The following MAGI1 variants were observed in gnomAD, a reference collection of about 807,000 sequenced individuals.
MAGI1 encodes the protein membrane associated guanylate kinase, WW and PDZ domain containing 1, also known as membrane-associated guanylate kinase, WW and PDZ domain-containing protein 1.
A neutral mutation model predicts 139.9 loss-of-function variants in MAGI1; 58 were observed. The observed-to-expected ratio is 0.41, with a 90% confidence interval of 0.34 to 0.52. The LOEUF (loss-of-function observed/expected upper bound fraction) is 0.52, where lower values mean the gene tolerates loss of function less well. Ranked by LOEUF, MAGI1 falls within the 20% of genes least tolerant of loss-of-function variation. MAGI1 has a pLI of 0.12. For synonymous variants in MAGI1, 812 were observed against 737.9 expected, an observed-to-expected ratio of 1.10 and a Z score of -1.63; for missense variants, 1,874 against 1,901.6, an observed-to-expected ratio of 0.99 and a Z score of 0.27.
At chr3:65,714,749 A>C (rs1227910295) in intron 1 of MAGI1, among the ~76,000 whole-genome samples, 1 of 152,140 alleles carries the variant, frequency 6.6e-6, no homozygotes, top group African/African-American at 2.4e-5. Flanking sequence ...CTGACATCAC[A>C]GTCTCTTTTA....
chr3:65,824,302 G>A (rs1275449217), intron 1 of MAGI1, among the ~76,000 whole-genome samples: 1 of 152,180 alleles, frequency 6.6e-6, no homozygotes, highest in Non-Finnish European at 1.5e-5. Context: ...CTGCAGATGT[G>A]CAAATAGTAG....
intron 2 of MAGI1, among the ~76,000 whole-genome samples, chr3:65,611,032 GTATA>G (rs1477749383): frequency 2.3e-5 from 3 of 130,818 alleles, no homozygotes; most frequent in Non-Finnish European, 4.7e-5. Context: ...TGTGTATATA[GTATA>G]TATACTATAT....
chr3:65,629,093 A>G (rs976694312), intron 1 of MAGI1, among the ~76,000 whole-genome samples: 1 of 151,852 alleles, frequency 6.6e-6, no homozygotes, highest in Admixed American at 6.6e-5. Flanking sequence ...TTACATACCA[A>G]CTCTTACCAG....
intron 1 of MAGI1, among the ~76,000 whole-genome samples, chr3:65,932,738 T>C (rs189478446): frequency 4.5e-4 from 69 of 152,296 alleles, no homozygotes; most frequent in South Asian, 3.7e-3. Context: ...AGAAAGCCCA[T>C]CTATAGAAAG....
intron 1 of MAGI1, among the ~76,000 whole-genome samples, chr3:65,763,663 G>C (rs12639382): frequency 0.34 from 52,082 of 151,396 alleles, 9,726 homozygotes; most frequent in Admixed American, 0.49. Context: ...ATATCTGTGC[G>C]CATAAGCATT....
chr3:65,383,759 A>C, intron 14 of MAGI1, 136 bp from the exon 15 acceptor site: 1 of 683,532 alleles, frequency 1.5e-6, no homozygotes, highest in Non-Finnish European at 2.6e-6. Context: ...CAAAGAAACA[A>C]AATACTCTGA....
At chr3:65,388,355 A>T (rs1006936203) in intron 14 of MAGI1, among the ~76,000 whole-genome samples, 33 of 152,200 alleles carry the variant, frequency 2.2e-4, no homozygotes. Context: ...AATATGGCAC[A>T]GTTAAGCTGC....
intron 2 of MAGI1, among the ~76,000 whole-genome samples, chr3:65,510,592 G>T (rs1196314067): frequency 7.3e-6 from 1 of 137,582 alleles, no homozygotes; most frequent in Non-Finnish European, 1.6e-5. Context: ...AGCGAGAAGG[G>T]AAGTTTAGAG....
chr3:65,816,864 T>C (rs2041636552), intron 1 of MAGI1, among the ~76,000 whole-genome samples: 1 of 152,166 alleles, frequency 6.6e-6, no homozygotes. Flanking sequence ...GCTGTTACTG[T>C]GGGTCAAAAG....
intron 1 of MAGI1, among the ~76,000 whole-genome samples, chr3:66,014,994 C>T (rs1412795233): frequency 6.6e-6 from 1 of 152,006 alleles, no homozygotes; most frequent in Non-Finnish European, 1.5e-5. Context: ...TCTTTTCCTT[C>T]TGGGAATGCC....
chr3:65,852,656 A>G (rs1429667237), intron 1 of MAGI1, among the ~76,000 whole-genome samples: 19 of 151,792 alleles, frequency 1.3e-4, no homozygotes, highest in Non-Finnish European at 1.5e-5. Context: ...GCCATGCACC[A>G]CCACGCCTGG....
At chr3:65,933,968 A>C (rs2062926369) in intron 1 of MAGI1, among the ~76,000 whole-genome samples, 1 of 152,124 alleles carries the variant, frequency 6.6e-6, no homozygotes, top group Non-Finnish European at 1.5e-5. Context: ...TCTACTAAAA[A>C]TACAAAAAAT....
intron 1 of MAGI1, among the ~76,000 whole-genome samples, chr3:65,910,553 T>C (rs779307424): frequency 3.9e-5 from 6 of 152,130 alleles, no homozygotes; most frequent in South Asian, 2.1e-4. Context: ...CAAACACTGA[T>C]ACGATGGAGG....
At chr3:66,034,047 A>G (rs116165007) in intron 1 of MAGI1, among the ~76,000 whole-genome samples, 3 of 152,168 alleles carry the variant, frequency 2.0e-5, no homozygotes, top group Non-Finnish European at 4.4e-5. Flanking sequence ...ATTTTGGTCT[A>G]TACCCTAGTA....
intron 5 of MAGI1, among the ~76,000 whole-genome samples, chr3:65,464,005 A>G (rs1949999977): frequency 1.3e-5 from 2 of 152,194 alleles, no homozygotes; most frequent in South Asian, 4.2e-4. Context: ...TGTTTATTCT[A>G]TTCTTCTCTC....
intron 13 of MAGI1, among the ~76,000 whole-genome samples, chr3:65,394,753 C>T (rs1944249463): frequency 6.6e-6 from 1 of 152,082 alleles, no homozygotes; most frequent in South Asian, 2.1e-4. Flanking sequence ...GAGCCCAGAA[C>T]TGTCCAGGAG....
In MAGI1 at chr3:65,900,890, A is replaced by T. The variant is rs964409712; in HGVS notation, c.313+137106T>A. 5.3e-5 allele frequency among the ~76,000 whole-genome samples: 8 copies of T among 152,336 alleles called. 1 individual carries two copies. The South Asian group carries it at 1.4e-3, about 28-fold the overall frequency. ...GTCTGGATGAACCCTTGAGAGGAAG[A>T]AGTATATGCTAGGAGTGTGGACAGC... On this transcript the variant is annotated intron_variant, in intron 1 of 22. Transcript: ENST00000402939.
intron 1 of MAGI1, among the ~76,000 whole-genome samples, chr3:65,752,809 T>A (rs1231219906): frequency 1.3e-5 from 2 of 152,212 alleles, no homozygotes; most frequent in Non-Finnish European, 2.9e-5. Context: ...CATCTTATCA[T>A]CTTGGCCTGC....
At chr3:65,425,631 T>C (rs952468829) in intron 12 of MAGI1, among the ~76,000 whole-genome samples, 5 of 152,176 alleles carry the variant, frequency 3.3e-5, no homozygotes, top group Admixed American at 2.6e-4. Flanking sequence ...GTATCCCAAG[T>C]TCAGTTTTCT....
Sources: allele counts gnomAD v4.1 joint callset (sites outside exome capture counted in the v4.1 genomes callset), GRCh38; gene constraint gnomAD v4.1.1; transcripts MANE v1.5; gene names NCBI Gene and HGNC (gene_info 2026-07-23, HGNC 2026-07-21).